KIF1A: variants seen among roughly 807,000 people sequenced by gnomAD.
KIF1A encodes the protein kinesin family member 1A, also known as kinesin-like protein KIF1A.
KIF1A carries 46 observed loss-of-function variants against 227.3 expected under a neutral mutation model. The ratio of observed to expected loss-of-function variants is 0.20; its 90% CI spans 0.16 to 0.26. KIF1A has a LOEUF of 0.26. KIF1A is among the 10% of genes least tolerant of loss of function. The probability of loss-of-function intolerance (pLI) is 1.00; values close to 1 mark genes in which losing one functional copy is unlikely to be tolerated. For missense variants in KIF1A, 1,683 were observed against 2,485.9 expected (o/e 0.68, Z 6.87); for synonymous variants, 1,022 against 1,012.8 (o/e 1.01, Z -0.17).
At position 240,788,330 on chromosome 2, in the gene KIF1A, G is replaced by C; in HGVS notation, c.184-100C>G. 9.1e-7 allele frequency: 1 copy of C among 1,103,974 alleles called. No homozygotes were observed. The highest frequency in any genetic ancestry group is 1.3e-6 in the Non-Finnish European group (1 of 742,292). 68.4% of individuals were successfully genotyped at this position (1,103,974 alleles called of 1,614,324 possible). ...CAGGGGATGCCCAGGGCCTCAGGGT[G>C]CCAGGGCAGCACAGTGGGGAGGGAT... On this transcript the variant is annotated intron_variant, in intron 3 of 48. Coordinates refer to ENST00000498729, the MANE Select transcript of KIF1A (RefSeq NM_001244008.2). The surrounding 1 kb of genome is among the most constrained non-coding windows in gnomAD (Gnocchi z 6.6).
chr2:240,772,253 G>T (rs974768071), intron 14 of KIF1A, among the ~76,000 whole-genome samples: 1 of 152,204 alleles, frequency 6.6e-6, no homozygotes, highest in Non-Finnish European at 1.5e-5. Flanking sequence ...TGCACAGGGG[G>T]TCAGAGGACC....
chr2:240,761,498 C>T lies in KIF1A; in HGVS notation c.2117-121G>A. On this transcript the variant is annotated intron_variant, in intron 23 of 48. Coordinates refer to ENST00000498729, the MANE Select transcript of KIF1A (RefSeq NM_001244008.2). The stretch of plus-strand genomic sequence containing the variant: ...TGGGGCTGCCTAAGCTGACCCTGTG[C>T]TCTGTGTACATCACGGCCGGGTGGT... 11 of 878,274 alleles carry T rather than the reference C, an allele frequency of 1.3e-5. No homozygotes were observed. In the South Asian group the frequency reaches 2.5e-4, roughly 20 times the overall value. 54.4% of individuals were successfully genotyped at this position (878,274 alleles called of 1,614,324 possible). A position where few individuals can be genotyped will look rare whatever the true frequency, so the allele number is the denominator to read the frequency against.
intron 27 of KIF1A, among the ~76,000 whole-genome samples, chr2:240,756,596 G>A (rs1285962505): frequency 6.6e-6 from 1 of 152,244 alleles, no homozygotes; most frequent in East Asian, 1.9e-4. Context: ...CGCCATCTCT[G>A]GCCATGACAA....
intron 32 of KIF1A, 149 bp downstream of exon 32, chr2:240,745,278 C>CT: frequency 2.8e-6 from 2 of 713,506 alleles, no homozygotes; most frequent in African/African-American, 1.7e-5. Context: ...GAAATCGCTC[C>CT]TACACCCTGC....
intron 2 of KIF1A, 84 bp downstream of exon 2, chr2:240,797,562 GA>G: frequency 1.1e-6 from 1 of 937,124 alleles, no homozygotes; most frequent in Admixed American, 2.0e-5. Context: ...GGGCCAGGTT[GA>G]CTGCTGAGCC....
intron 6 of KIF1A, among the ~76,000 whole-genome samples, chr2:240,785,360 T>C (rs2126064574): frequency 6.6e-6 from 1 of 152,314 alleles, no homozygotes; most frequent in South Asian, 2.1e-4. Flanking sequence ...AGCTTCCCAC[T>C]CCTGGGCACA....
At chr2:240,782,279 T>G (rs1341228479) in intron 10 of KIF1A, 3 of 853,602 alleles carry the variant, frequency 3.5e-6, no homozygotes, top group Non-Finnish European at 4.2e-6. Context: ...GAGGGGCTCC[T>G]CCGCGCCCCT....
At chr2:240,816,757 C>G (rs765944155) in intron 1 of KIF1A, among the ~76,000 whole-genome samples, 2 of 152,218 alleles carry the variant, frequency 1.3e-5, no homozygotes, top group African/African-American at 4.8e-5. Flanking sequence ...TCCACACATC[C>G]GGATCAATCT....
Position 240,774,333 on chromosome 2 carries a change from C to T in KIF1A, c.959-72G>A, listed in dbSNP as rs544844038. The T allele has an allele frequency of 6.8e-6, 7 of 1,022,220 alleles. No individual in the cohort carries two copies. In the Admixed American group the frequency reaches 1.3e-4, roughly 19 times the overall value. 63.3% of individuals were successfully genotyped at this position (1,022,220 alleles called of 1,614,324 possible). ...AGGGCTATGTCTGCTCCCCCCTTCC[C>T]CCCACATTTACAGATGGGGAGGCTG... On this transcript the variant is annotated intron_variant, in intron 11 of 48. Transcript: ENST00000498729.
chr2:240,761,768 C>T (rs528858336), intron 23 of KIF1A, among the ~76,000 whole-genome samples: 68 of 152,326 alleles, frequency 4.5e-4, no homozygotes, highest in African/African-American at 1.6e-3. Context: ...GAGGCCGCCA[C>T]GAGCAGCCTT....
intron 29 of KIF1A, among the ~76,000 whole-genome samples, chr2:240,746,445 G>A (rs1420103080): frequency 6.6e-6 from 1 of 152,230 alleles, no homozygotes; most frequent in Non-Finnish European, 1.5e-5. Context: ...CTCACCACCT[G>A]CCTCTCTGCT....
chr2:240,775,458 T>C lies in KIF1A; in HGVS notation c.958+393A>G, dbSNP rs1299210580. 6.6e-6 allele frequency among the ~76,000 whole-genome samples: 1 copy of C among 152,196 alleles called. No individual in the cohort carries two copies. On this transcript the variant is annotated intron_variant, in intron 11 of 48. Coordinates refer to ENST00000498729, the MANE Select transcript of KIF1A (RefSeq NM_001244008.2). This position sits in a 1 kb window ranked among gnomAD's most constrained non-coding sequence, Gnocchi z 5.5. ...ACTCAGACGGAGAAGAGGAGGTTTATGGCAGCCCCTCAAAATCCAGCAAGC... is the reference window on the plus strand; with the variant it reads ...ACTCAGACGGAGAAGAGGAGGTTTACGGCAGCCCCTCAAAATCCAGCAAGC...
Position 240,745,746 on chromosome 2 carries a change from G to A in KIF1A, c.3366C>T (p.Cys1122=). 1 of 1,611,812 alleles carries A rather than the reference G, an allele frequency of 6.2e-7. No homozygotes were observed. The highest frequency in any genetic ancestry group is 8.5e-7 in the Non-Finnish European group (1 of 1,179,246). ...SISAEYADIF[C]QFNFIHRHDE... is the part of the protein sequence containing the mutation. ...AGGCAGCAGGGCCTCACTTGAACTG[G>A]CAGAAGATGTCGGCATATTCGGCAG... Residue 1122 remains cysteine (C), a synonymous_variant, in exon 31 of 49, where the codon TGC becomes TGT. Coordinates refer to ENST00000498729, the MANE Select transcript of KIF1A (RefSeq NM_001244008.2).
chr2:240,813,873 C>A (rs1018700480), intron 1 of KIF1A, among the ~76,000 whole-genome samples: 1 of 152,176 alleles, frequency 6.6e-6, no homozygotes, highest in African/African-American at 2.4e-5. Flanking sequence ...ATGGAACAGA[C>A]GCGAAACAAC....
intron 10 of KIF1A, among the ~76,000 whole-genome samples, chr2:240,776,663 A>G (rs990367267): frequency 1.4e-4 from 22 of 152,322 alleles, no homozygotes; most frequent in Non-Finnish European, 2.9e-4. Flanking sequence ...GTGACTTCCA[A>G]TGTCTACTGG....
chr2:240,745,129 C>A (rs957813510), intron 32 of KIF1A, among the ~76,000 whole-genome samples: 8 of 152,164 alleles, frequency 5.3e-5, no homozygotes, highest in African/African-American at 1.7e-4. Context: ...GCACCCCCGG[C>A]CCTCAGTACA....
chr2:240,768,279 G>A (rs2051457949), intron 17 of KIF1A, among the ~76,000 whole-genome samples: 1 of 152,230 alleles, frequency 6.6e-6, no homozygotes, highest in Admixed American at 6.5e-5. Context: ...CCAAACCAAA[G>A]GCCTGTCTAG....
chr2:240,731,993 G>T (rs1445361630), intron 38 of KIF1A, among the ~76,000 whole-genome samples: 1 of 125,746 alleles, frequency 8.0e-6, no homozygotes, highest in African/African-American at 3.0e-5. Flanking sequence ...GCCAATGAGG[G>T]GAGGAGGGGA....
intron 38 of KIF1A, among the ~76,000 whole-genome samples, chr2:240,730,321 G>T (rs1232688925): frequency 6.6e-6 from 1 of 152,196 alleles, no homozygotes; most frequent in Non-Finnish European, 1.5e-5. Context: ...TGATCATACA[G>T]CAGGAAACCA....
Sources: gnomAD v4.1 joint callset for allele counts (sites outside exome capture counted in the v4.1 genomes callset) on GRCh38, gnomAD v4.1.1 for gene constraint, Gnocchi (gnomAD v3.1) non-coding constraint, MANE v1.5 for transcripts, NCBI Gene and HGNC (gene_info 2026-07-23, HGNC 2026-07-21) for gene names.